The following TMEM135 variants were observed in gnomAD, a reference collection of about 807,000 sequenced individuals.
TMEM135 encodes the protein transmembrane protein 135, also known as peroxisomal membrane protein 52.
A neutral mutation model predicts 60.3 loss-of-function variants in TMEM135; 30 were observed. The observed-to-expected ratio is 0.50, with a 90% CI of 0.37 to 0.68. The LOEUF is 0.68. Among genes scored for constraint, TMEM135 ranks in the 30% least tolerant of loss-of-function variants. The pLI, the probability that TMEM135 is intolerant of heterozygous loss-of-function variation, is 0.00. For synonymous variants in TMEM135, 190 were observed against 186.7 expected, an observed-to-expected ratio of 1.02 and a Z score of -0.14; for missense variants, 468 against 548.8, an observed-to-expected ratio of 0.85 and a Z score of 1.47.
intron 4 of TMEM135, among the ~76,000 whole-genome samples, chr11:87,125,720 T>A (rs1937707532): frequency 6.6e-6 from 1 of 152,200 alleles, no homozygotes; most frequent in Non-Finnish European, 1.5e-5. Context: ...TTTTTAAAAC[T>A]GTTACTCCAG....
intron 1 of TMEM135, among the ~76,000 whole-genome samples, chr11:87,042,204 A>G (rs1304668853): frequency 2.0e-5 from 3 of 152,352 alleles, no homozygotes; most frequent in East Asian, 3.9e-4. Flanking sequence ...ATTGGACAAT[A>G]ATGGTAATAG....
At chr11:87,228,255 T>C (rs897057381) in intron 5 of TMEM135, among the ~76,000 whole-genome samples, 2 of 152,152 alleles carry the variant, frequency 1.3e-5, no homozygotes, top group Non-Finnish European at 2.9e-5. Flanking sequence ...AGATATGGAA[T>C]AAATAAATGA....
chr11:87,244,955 T>A (rs956754764), intron 6 of TMEM135, among the ~76,000 whole-genome samples: 1 of 151,876 alleles, frequency 6.6e-6, no homozygotes, highest in Non-Finnish European at 1.5e-5. Flanking sequence ...GGTGTCAATT[T>A]TGGATCTTTC....
At chr11:87,134,483 C>T (rs759787019) in intron 4 of TMEM135, among the ~76,000 whole-genome samples, 1 of 151,988 alleles carries the variant, frequency 6.6e-6, no homozygotes. Flanking sequence ...TTTCAAATTT[C>T]GTTTAGTTTT....
intron 1 of TMEM135, among the ~76,000 whole-genome samples, chr11:87,067,160 A>G (rs1372707152): frequency 5.5e-5 from 8 of 146,436 alleles, no homozygotes; most frequent in Non-Finnish European, 1.0e-4. Flanking sequence ...TTTTAAATTT[A>G]CTAAATATAT....
At chr11:87,147,365 A>T (rs948322283) in intron 4 of TMEM135, among the ~76,000 whole-genome samples, 1 of 152,164 alleles carries the variant, frequency 6.6e-6, no homozygotes, top group African/African-American at 2.4e-5. Flanking sequence ...TGTAACAAAA[A>T]TTGTTACTTC....
At chr11:87,288,013 T>C (rs1942199973) in intron 6 of TMEM135, among the ~76,000 whole-genome samples, 1 of 152,152 alleles carries the variant, frequency 6.6e-6, no homozygotes, top group Non-Finnish European at 1.5e-5. Context: ...ATTGTAAAAA[T>C]TTAAAGTGAT....
At chr11:87,312,545 T>G (rs765969125) in intron 10 of TMEM135, among the ~76,000 whole-genome samples, 13 of 151,940 alleles carry the variant, frequency 8.6e-5, no homozygotes, top group Non-Finnish European at 1.6e-4. Flanking sequence ...TTTGTGACCA[T>G]ATGGTCTCTG....
intron 4 of TMEM135, among the ~76,000 whole-genome samples, chr11:87,151,370 A>G (rs923244135): frequency 6.6e-6 from 1 of 152,048 alleles, no homozygotes; most frequent in Non-Finnish European, 1.5e-5. Flanking sequence ...CTTTTCTTAT[A>G]ACATCCTATT....
At chr11:87,231,952 G>T (rs1940897696) in intron 5 of TMEM135, among the ~76,000 whole-genome samples, 1 of 147,506 alleles carries the variant, frequency 6.8e-6, no homozygotes, top group Admixed American at 6.8e-5. Flanking sequence ...AGAGAAAAGA[G>T]ACTTTTTTTT....
At chr11:87,145,580 C>T (rs570786140) in intron 4 of TMEM135, among the ~76,000 whole-genome samples, 1 of 152,078 alleles carries the variant, frequency 6.6e-6, no homozygotes, top group East Asian at 1.9e-4. Flanking sequence ...TCTCCATATC[C>T]TTGCCAACAC....
chr11:87,199,563 C>A (rs1444776770), intron 5 of TMEM135, among the ~76,000 whole-genome samples: 1 of 152,152 alleles, frequency 6.6e-6, no homozygotes, highest in Non-Finnish European at 1.5e-5. Context: ...GAGGTAGATA[C>A]ATATAGATTT....
At position 87,067,509 on chromosome 11, in the gene TMEM135, C is replaced by T. The variant is rs189706110; in HGVS notation, c.142-185C>T. On this transcript the variant is annotated intron_variant, in intron 1 of 14. Transcript: ENST00000305494. Reference sequence around the variant, plus strand: ...CGTAATTCCTTGGTGTATATTTTACCCTCAATAAATTCAGGTGTCTTCCTT... The same window carrying T: ...CGTAATTCCTTGGTGTATATTTTACTCTCAATAAATTCAGGTGTCTTCCTT... Among the ~76,000 whole-genome samples, 117 of 151,902 alleles carry T rather than the reference C, an allele frequency of 7.7e-4. 1 individual carries two copies. Among genetic ancestry groups the T allele is most frequent in the Middle Eastern group, 3.4e-3 (1 of 294 alleles).
At chr11:87,269,954 C>T (rs1941832196) in intron 6 of TMEM135, among the ~76,000 whole-genome samples, 1 of 123,406 alleles carries the variant, frequency 8.1e-6, no homozygotes. Context: ...AGTTTACAGT[C>T]CCACCAACAG....
chr11:87,135,898 T>C (rs1318553139), intron 4 of TMEM135, among the ~76,000 whole-genome samples: 22 of 152,062 alleles, frequency 1.4e-4, no homozygotes, highest in Admixed American at 1.4e-3. Context: ...TTATTTATGT[T>C]TTCTTTAATT....
intron 5 of TMEM135, among the ~76,000 whole-genome samples, chr11:87,166,021 T>C (rs1031208267): frequency 3.5e-4 from 52 of 150,600 alleles, no homozygotes; most frequent in Non-Finnish European, 6.8e-4. Context: ...ACACATACAC[T>C]CTCCCAAGAC....
At chr11:87,062,822 T>A (rs560909396) in intron 1 of TMEM135, among the ~76,000 whole-genome samples, 11 of 152,296 alleles carry the variant, frequency 7.2e-5, no homozygotes, top group African/African-American at 2.4e-4. Flanking sequence ...GTTTTGTTAT[T>A]TAATTTAACC....
chr11:87,325,135 GA>G lies in TMEM135; in HGVS notation c.*3803del, dbSNP rs1386884220. 2.2e-6 allele frequency: 1 copy of G among 451,432 alleles called. No individual in the cohort carries two copies. The highest frequency in any genetic ancestry group is 4.4e-6 in the Non-Finnish European group (1 of 226,712). 28.0% of individuals were successfully genotyped at this position (451,432 alleles called of 1,614,324 possible). On this transcript the variant is annotated 3_prime_UTR_variant, in exon 15 of 15. Transcript: ENST00000305494. ...GTGTCAAGGACTGAGATGACCCTCA[GA>G]TTGGGGGGCTGTCTTAGATTCTAGG...
rs558116778 is a variant in TMEM135, at chr11:87,324,824, T to C, written c.*3491T>C. 18 of 453,944 alleles carry C rather than the reference T, an allele frequency of 4.0e-5. No homozygotes were observed. The East Asian group carries it at 8.3e-4, about 21-fold the overall frequency. The allele number at this position is 453,944 out of a possible 1,614,324, so 28.1% of individuals were successfully genotyped here. ...CAAAAGTATACATTTCTTACTAAGA[T>C]ATCTTATAAACATTCTCTCTCCTAA... On this transcript the variant is annotated 3_prime_UTR_variant, in exon 15 of 15. Transcript: ENST00000305494.
Sources: gnomAD v4.1 joint callset for allele counts (sites outside exome capture counted in the v4.1 genomes callset) on GRCh38, gnomAD v4.1.1 for gene constraint, MANE v1.5 for transcripts, NCBI Gene and HGNC (gene_info 2026-07-23, HGNC 2026-07-21) for gene names.